TG: variants seen among roughly 807,000 people sequenced by gnomAD.
TG encodes thyroid hormones.
TG carries 270 observed loss-of-function variants against 324.7 expected under a neutral mutation model. The ratio of observed to expected loss-of-function variants is 0.83; its 90% confidence interval spans 0.75 to 0.92. The LOEUF is 0.92. Among genes scored for constraint, TG ranks in the 40% least tolerant of loss-of-function variants. The pLI is 0.00. For synonymous variants in TG, 1,401 were observed against 1,327.0 expected, an observed-to-expected ratio of 1.06 and a Z score of -1.21; for missense variants, 3,591 against 3,456.4, an observed-to-expected ratio of 1.04 and a Z score of -0.98.
intron 16 of TG, among the ~76,000 whole-genome samples, chr8:132,905,252 C>G (rs1441090753): frequency 6.6e-6 from 1 of 152,142 alleles, no homozygotes; most frequent in Non-Finnish European, 1.5e-5. Context: ...ATATTAGGGC[C>G]AGGATTCATA....
intron 45 of TG, among the ~76,000 whole-genome samples, chr8:133,124,493 G>T (rs1202201483): frequency 6.6e-6 from 1 of 152,276 alleles, no homozygotes; most frequent in South Asian, 2.1e-4. Flanking sequence ...ATCAACTAGA[G>T]TTTTAATCCC....
chr8:133,120,863 C>A (rs1019408782), intron 45 of TG, among the ~76,000 whole-genome samples: 5 of 152,190 alleles, frequency 3.3e-5, no homozygotes, highest in Non-Finnish European at 7.3e-5. Flanking sequence ...TCTTGAATGG[C>A]AATGGCCCAA....
chr8:132,967,156 C>CCCATCCAA lies in TG; in HGVS notation c.5686+467_5686+474dup, dbSNP rs1027426667. Among the ~76,000 whole-genome samples, 1,404 of 142,610 alleles carry CCCATCCAA rather than the reference C, an allele frequency of 9.8e-3. 30 individuals are homozygous for CCCATCCAA. The highest frequency in any genetic ancestry group is 0.031 in the African/African-American group (1,151 of 37,026). The allele number at this position is 142,610 out of a possible 152,430, so 93.6% of individuals were successfully genotyped here. A position where few individuals can be genotyped will look rare whatever the true frequency, so the allele number is the denominator to read the frequency against. ...ATCCATCCATCCATCCATCCATCCA[C>CCCATCCAA]CCATCCAACCATCCATCCATCCATG... On this transcript the variant is annotated intron_variant, in intron 30 of 47. Coordinates refer to ENST00000220616, the MANE Select transcript of TG (RefSeq NM_003235.5).
At position 132,956,145 on chromosome 8, in the gene TG, T is replaced by C. The variant is rs73353417; in HGVS notation, c.5402-4863T>C. Among the ~76,000 whole-genome samples, 1,291 of 152,302 alleles carry C rather than the reference T, an allele frequency of 8.5e-3. 17 individuals are homozygous for C. The highest frequency in any genetic ancestry group is 0.029 in the African/African-American group (1,226 of 41,566). On this transcript the variant is annotated intron_variant, in intron 27 of 47. Transcript: ENST00000220616. ...ATTCTATTAGGGAAATTTTGGGGAA[T>C]GGAGTAAAGGGTCAGAAGTCTGTTT...
chr8:132,870,638 G>A (rs560457708), intron 3 of TG, among the ~76,000 whole-genome samples: 1 of 152,142 alleles, frequency 6.6e-6, no homozygotes, highest in South Asian at 2.1e-4. Flanking sequence ...AAAGAGATGT[G>A]TTTGGCTCAC....
chr8:133,087,249 C>T (rs1846736398), intron 41 of TG, among the ~76,000 whole-genome samples: 1 of 152,148 alleles, frequency 6.6e-6, no homozygotes, highest in African/African-American at 2.4e-5. Flanking sequence ...GCTATTTTTG[C>T]TTTAAAAATT....
intron 41 of TG, among the ~76,000 whole-genome samples, chr8:133,032,175 C>G (rs374608473): frequency 5.3e-5 from 8 of 152,288 alleles, no homozygotes; most frequent in African/African-American, 1.9e-4. Context: ...TCTCGGGGCC[C>G]CAGGACCCAC....
At chr8:133,016,616 T>C (rs1291352190) in intron 37 of TG, among the ~76,000 whole-genome samples, 1 of 152,228 alleles carries the variant, frequency 6.6e-6, no homozygotes, top group African/African-American at 2.4e-5. Flanking sequence ...GCTTTGTCTG[T>C]CAATCAGCCG....
intron 21 of TG, among the ~76,000 whole-genome samples, chr8:132,921,019 G>A (rs1821030070): frequency 6.6e-6 from 1 of 152,184 alleles, no homozygotes; most frequent in Non-Finnish European, 1.5e-5. Context: ...TTCTGTTTAT[G>A]TCCTCACATG....
chr8:133,054,662 T>C (rs1353083355), intron 41 of TG, among the ~76,000 whole-genome samples: 3 of 152,208 alleles, frequency 2.0e-5, no homozygotes, highest in Non-Finnish European at 4.4e-5. Flanking sequence ...CTTGATAATT[T>C]CTTACTCTCT....
intron 41 of TG, among the ~76,000 whole-genome samples, chr8:133,072,174 T>A (rs1844157743): frequency 6.6e-6 from 1 of 152,208 alleles, no homozygotes; most frequent in Non-Finnish European, 1.5e-5. Context: ...GCAGTCTGCC[T>A]GGTGCTAAGG....
At chr8:133,059,098 C>T (rs909205629) in intron 41 of TG, 2 of 456,298 alleles carry the variant, frequency 4.4e-6, no homozygotes, top group Non-Finnish European at 8.8e-6. Context: ...AGTCCACTTC[C>T]CTGTCAGGCT....
rs149639068 is a variant in TG, at chr8:133,113,295, C to T, written c.7573-127C>T. Reference sequence around the variant, plus strand: ...GATTCGAACTCAGACAGTCTGGCTTCCACTTGTGTTTAATGCCATGCCCCA... The same window carrying T: ...GATTCGAACTCAGACAGTCTGGCTTTCACTTGTGTTTAATGCCATGCCCCA... On this transcript the variant is annotated intron_variant, in intron 43 of 47. Transcript: ENST00000220616. 60 of 1,054,102 alleles carry T rather than the reference C, an allele frequency of 5.7e-5. No individual in the cohort carries two copies. In the African/African-American group the frequency reaches 9.1e-4, roughly 16 times the overall value. The allele number at this position is 1,054,102 out of a possible 1,614,324, so 65.3% of individuals were successfully genotyped here.
At chr8:133,109,441 C>A (rs73708868) in intron 43 of TG, among the ~76,000 whole-genome samples, 6,977 of 152,198 alleles carry the variant, frequency 0.046, 515 homozygotes, top group African/African-American at 0.16. Flanking sequence ...CTTAAAAGTA[C>A]GAGAGAACAT....
In TG at chr8:132,887,451, C is replaced by T. The variant is rs114115584; in HGVS notation, c.2079C>T (p.Phe693=). 12 of 1,614,042 alleles carry T rather than the reference C, an allele frequency of 7.4e-6. No homozygotes were observed. Among genetic ancestry groups the T allele is most frequent in the Admixed American group, 3.3e-5 (2 of 59,998 alleles). ...FVPACTSEGH[F]LPVQCFNSEC... ...CTGCTTGTACTAGTGAGGGACATTT[C>T]CTGCCTGTCCAGTGCTTCAACTCAG... Residue 693 remains phenylalanine, a synonymous_variant, in exon 9 of 48, where the codon TTC becomes TTT. Transcript: ENST00000220616.
chr8:132,911,407 C>G lies in TG; in HGVS notation c.4033C>G (p.Pro1345Ala), dbSNP rs762304795. 7 of 1,614,170 alleles carry G rather than the reference C, an allele frequency of 4.3e-6. 1 individual carries two copies. The South Asian group carries it at 7.7e-5, about 18-fold the overall frequency. ...GACTTTTGGCACCCTGGTTTCCATT[C>G]CTGTCTGCAACAACTCCTCTGTGCA... The part of the protein sequence containing the change: ...VKTFGTLVSI[P>A]VCNNSSVQVG... Residue 1345 changes from proline to alanine, a missense_variant, in exon 19 of 48, where the codon CCT becomes GCT. Pro to Ala is a conservative substitution (Grantham distance 27). Coordinates refer to ENST00000220616, the MANE Select transcript of TG (RefSeq NM_003235.5).
At position 133,134,819 on chromosome 8, in the gene TG, C is replaced by G. The variant is rs775938055; in HGVS notation, c.*25C>G. On this transcript the variant is annotated 3_prime_UTR_variant, in exon 48 of 48. Coordinates refer to ENST00000220616, the MANE Select transcript of TG (RefSeq NM_003235.5). ...ACCAGCCCTTGAGCTCCCCAAAAACCTCACCCGAGGCTGCCCACTATGGTC... is the reference window on the plus strand; with the variant it reads ...ACCAGCCCTTGAGCTCCCCAAAAACGTCACCCGAGGCTGCCCACTATGGTC... 1.9e-6 allele frequency: 3 copies of G among 1,596,782 alleles called. No individual in the cohort carries two copies. Among genetic ancestry groups the G allele is most frequent in the Non-Finnish European group, 2.6e-6 (3 of 1,164,276 alleles).
Position 132,883,211 on chromosome 8 carries a change from C to T in TG, c.1075+212C>T, listed in dbSNP as rs372363068. The T allele has an allele frequency of 1.0e-5, 6 of 595,234 alleles. No individual in the cohort carries two copies. In the African/African-American group the frequency reaches 1.1e-4, roughly 11 times the overall value. The allele number at this position is 595,234 out of a possible 1,614,324, so 36.9% of individuals were successfully genotyped here. A position where few individuals can be genotyped will look rare whatever the true frequency, so the allele number is the denominator to read the frequency against. On this transcript the variant is annotated intron_variant, in intron 8 of 47. Transcript: ENST00000220616. ...CAGACCTCGTTGCATTTTCAGGGAG[C>T]TCAGGGAATATTAGGAGGCTCATAG...
chr8:132,908,363 A>G lies in TG; in HGVS notation c.4002+23A>G, dbSNP rs759714563. The G allele has an allele frequency of 6.8e-6, 11 of 1,612,710 alleles. 1 individual carries two copies. The South Asian group carries it at 1.1e-4, about 16-fold the overall frequency. The stretch of plus-strand genomic sequence containing the variant: ...CAGGTACATGCCTGGCCTTCCCCAC[A>G]GTGAGGGCTTGGACTCAACTCAGGG... On this transcript the variant is annotated intron_variant, in intron 18 of 47. Transcript: ENST00000220616.
Sources: allele counts gnomAD v4.1 joint callset (sites outside exome capture counted in the v4.1 genomes callset), GRCh38; gene constraint gnomAD v4.1.1; transcripts MANE v1.5; gene names NCBI Gene and HGNC (gene_info 2026-07-23, HGNC 2026-07-21).